The following TNFRSF11A variants were observed in gnomAD, a reference collection of about 807,000 sequenced individuals.
The protein encoded by TNFRSF11A is tumor necrosis factor receptor superfamily member 11A.
TNFRSF11A carries 32 observed loss-of-function variants against 55.7 expected under a neutral mutation model. That is an observed-to-expected ratio of 0.57 (90% CI 0.43 to 0.77). The LOEUF (loss-of-function observed/expected upper bound fraction) is 0.77, where lower values mean the gene tolerates loss of function less well. TNFRSF11A is among the 30% of genes least tolerant of loss of function. The pLI, the probability that TNFRSF11A is intolerant of heterozygous loss-of-function variation, is 0.00. For missense variants in TNFRSF11A, 753 were observed against 809.8 expected, an observed-to-expected ratio of 0.93 and a Z score of 0.85; for synonymous variants, 311 against 331.0, an observed-to-expected ratio of 0.94 and a Z score of 0.65.
In TNFRSF11A at chr18:62,361,708, A is replaced by G; in HGVS notation, c.645A>G (p.Ile215Met). Residue 215 changes from isoleucine (I) to methionine (M), a missense_variant, in exon 7 of 10, where the codon ATA (isoleucine) becomes ATG (methionine). Ile to Met is a conservative substitution (Grantham distance 10). Coordinates refer to ENST00000586569, the MANE Select transcript of TNFRSF11A (RefSeq NM_003839.4). ...CCCATGTTTACTTGCCCGGTTTAAT[A>G]ATTCTGCTTCTCTTCGCGTCTGTGG... Reference protein sequence around the residue: ...NEPHVYLPGLIILLLFASVAL... With the variant: ...NEPHVYLPGLMILLLFASVAL... 1 of 1,614,180 alleles carries G rather than the reference A, an allele frequency of 6.2e-7. No homozygotes were observed. Among genetic ancestry groups the G allele is most frequent in the Non-Finnish European group, 8.5e-7 (1 of 1,180,018 alleles).
intron 1 of TNFRSF11A, among the ~76,000 whole-genome samples, chr18:62,335,733 G>A (rs949265554): frequency 2.0e-5 from 3 of 152,188 alleles, no homozygotes; most frequent in African/African-American, 7.2e-5. Flanking sequence ...GGGTATCTCG[G>A]ATTTTGTCCC....
chr18:62,382,107 C>CTTTTTTTTTTTTT (rs574488222), intron 9 of TNFRSF11A, among the ~76,000 whole-genome samples: 2 of 89,414 alleles, frequency 2.2e-5, no homozygotes, highest in African/African-American at 4.2e-5. Flanking sequence ...TTCCTGAGTC[C>CTTTTTTTTTTTTT]TTTTTTTTTT....
At chr18:62,377,879 A>G (rs1402990808) in intron 9 of TNFRSF11A, among the ~76,000 whole-genome samples, 1 of 152,106 alleles carries the variant, frequency 6.6e-6, no homozygotes. Flanking sequence ...TTTTTAGGCC[A>G]TCTTGGGTAA....
At position 62,388,390 on chromosome 18, in the gene TNFRSF11A, G is replaced by A. The variant is rs1365364343; in HGVS notation, c.*3356G>A. 2 of 152,338 alleles carry A rather than the reference G, an allele frequency of 1.3e-5. No individual in the cohort carries two copies. The highest frequency in any genetic ancestry group is 1.3e-4 in the Admixed American group (2 of 15,292). 9.4% of individuals were successfully genotyped at this position (152,338 alleles called of 1,614,324 possible). On this transcript the variant is annotated 3_prime_UTR_variant, in exon 10 of 10. Coordinates refer to ENST00000586569, the MANE Select transcript of TNFRSF11A (RefSeq NM_003839.4). ...CTTCTGCCACATTCTGTGGGCCAAA[G>A]CAGGTCACAAAGGCAGCCCAGATCC...
rs1456520346 is a variant in TNFRSF11A, at chr18:62,389,332, C to G, written c.*4298C>G. The stretch of plus-strand genomic sequence containing the variant: ...AGCTTTGCCAGAGAAGAGGAGGGAC[C>G]TGACACTGGGCAGTGGCGGTGCCAG... On this transcript the variant is annotated 3_prime_UTR_variant, in exon 10 of 10. Transcript: ENST00000586569. The G allele has an allele frequency of 1.3e-5, 2 of 152,380 alleles. No homozygotes were observed. Among genetic ancestry groups the G allele is most frequent in the African/African-American group, 2.4e-5 (1 of 41,452 alleles). 9.4% of individuals were successfully genotyped at this position (152,380 alleles called of 1,614,324 possible). A position where few individuals can be genotyped will look rare whatever the true frequency, so the allele number is the denominator to read the frequency against.
chr18:62,368,965 A>G lies in TNFRSF11A; in HGVS notation c.1048A>G (p.Met350Val), dbSNP rs147189162. ...ACAGATGCCCACAGAAGATGAATACATGGACAGGCCCTCCCAGCCCACAGA... is the reference window on the plus strand; with the variant it reads ...ACAGATGCCCACAGAAGATGAATACGTGGACAGGCCCTCCCAGCCCACAGA... ...FRQMPTEDEY[M>V]DRPSQPTDQL... Residue 350 changes from methionine (M) to valine (V), a missense_variant, in exon 9 of 10, where the codon ATG (methionine) becomes GTG (valine). Transcript: ENST00000586569. The G allele has an allele frequency of 2.8e-5, 46 of 1,614,128 alleles. No homozygotes were observed. Among genetic ancestry groups the G allele is most frequent in the African/African-American group, 1.5e-4 (11 of 74,944 alleles).
chr18:62,358,959 C>CAT (rs1404111812), intron 5 of TNFRSF11A, among the ~76,000 whole-genome samples: 1 of 152,132 alleles, frequency 6.6e-6, no homozygotes, highest in Admixed American at 6.5e-5. Context: ...TGAAGAATCT[C>CAT]ATATATATAT....
At position 62,354,533 on chromosome 18, in the gene TNFRSF11A, G is replaced by A. The variant is rs139968917; in HGVS notation, c.426G>A (p.Pro142=). The change falls in exon 4 of 10, where the codon CCG becomes CCA. Residue 142 remains proline (P), a splice_region_variant and synonymous_variant. Coordinates refer to ENST00000586569, the MANE Select transcript of TNFRSF11A (RefSeq NM_003839.4). ...ECAPGLGAQH[P]LQLNKDTVCK... ...CGCCGGGCCTGGGCGCCCAGCACCC[G>A]TGTACGGGTTGGATGTGTGCGTCTG... 1.3e-5 allele frequency: 21 copies of A among 1,602,652 alleles called. No homozygotes were observed. The East Asian group carries it at 3.6e-4, about 27-fold the overall frequency.
chr18:62,361,555 C>T, intron 6 of TNFRSF11A, 125 bp from the exon 7 acceptor site: 1 of 907,972 alleles, frequency 1.1e-6, no homozygotes, highest in Non-Finnish European at 1.8e-6. Context: ...AGGGTGGGGA[C>T]TGTCACTTCT....
At position 62,384,746 on chromosome 18, in the gene TNFRSF11A, C is replaced by T. The variant is rs1248258250; in HGVS notation, c.1568-5C>T. The T allele has an allele frequency of 3.7e-6, 6 of 1,611,196 alleles. No homozygotes were observed. Among genetic ancestry groups the T allele is most frequent in the South Asian group, 1.1e-5 (1 of 90,226 alleles). On this transcript the variant is annotated splice_region_variant and splice_polypyrimidine_tract_variant and intron_variant, in intron 9 of 9. Transcript: ENST00000586569. ...TCCCCGTGTTCTCCCTTCCTCTCCC[C>T]GCAGGAAATGTGACTGGAAACAGTA...
chr18:62,325,752 G>C lies in TNFRSF11A; in HGVS notation c.75+325G>C, dbSNP rs1426026726. 2.6e-5 allele frequency among the ~76,000 whole-genome samples: 4 copies of C among 152,324 alleles called. 1 individual carries two copies. Among genetic ancestry groups the C allele is most frequent in the Admixed American group, 2.6e-4 (4 of 15,310 alleles). ...AATGCTTCTTGAGCACCTACTAAGC[G>C]CTTGCGCCGGGCGGTGCCGCGGGAG... On this transcript the variant is annotated intron_variant, in intron 1 of 9. Transcript: ENST00000586569. This position sits in a 1 kb window ranked among gnomAD's most constrained non-coding sequence, Gnocchi z 4.7.
At position 62,386,358 on chromosome 18, in the gene TNFRSF11A, A is replaced by G. The variant is rs141130836; in HGVS notation, c.*1324A>G. On this transcript the variant is annotated 3_prime_UTR_variant, in exon 10 of 10. Transcript: ENST00000586569. ...TCGTGCATCTGTGGGTTAGCCTTGT[A>G]GAAGTGGAAAACATTCCATTTTCCA... The G allele has an allele frequency of 6.6e-6, 1 of 152,348 alleles. No individual in the cohort carries two copies. The highest frequency in any genetic ancestry group is 1.9e-4 in the East Asian group (1 of 5,192). The allele number at this position is 152,348 out of a possible 1,614,324, so 9.4% of individuals were successfully genotyped here.
chr18:62,354,429 AC>A lies in TNFRSF11A; in HGVS notation c.328del (p.Arg110GlyfsTer73). ...LVAVVAGNST[T>X]PRRCACTAGY... is the part of the protein sequence containing the mutation. ...GGCCGTGGTCGCCGGCAACAGCACG[AC>A]CCCCCGGCGCTGCGCGTGCACGGCT... is the stretch of plus-strand genomic sequence containing the variant. On this transcript the variant is annotated frameshift_variant, in exon 4 of 10. Coordinates refer to ENST00000586569, the MANE Select transcript of TNFRSF11A (RefSeq NM_003839.4). LOFTEE classifies it high-confidence loss of function. The A allele has an allele frequency of 2.5e-6, 4 of 1,594,242 alleles. No individual in the cohort carries two copies.
intron 1 of TNFRSF11A, among the ~76,000 whole-genome samples, chr18:62,347,048 A>G (rs1253962769): frequency 2.0e-5 from 3 of 152,060 alleles, no homozygotes; most frequent in Non-Finnish European, 4.4e-5. Context: ...TTTATCCTGG[A>G]AGGCTGATTA....
At chr18:62,340,360 A>C (rs1034871131) in intron 1 of TNFRSF11A, among the ~76,000 whole-genome samples, 1 of 151,968 alleles carries the variant, frequency 6.6e-6, no homozygotes, top group African/African-American at 2.4e-5. Context: ...CTGGGTCCAC[A>C]GGCACACGCT....
At chr18:62,381,872 A>G (rs1408048301) in intron 9 of TNFRSF11A, among the ~76,000 whole-genome samples, 1 of 152,084 alleles carries the variant, frequency 6.6e-6, no homozygotes, top group Non-Finnish European at 1.5e-5. Flanking sequence ...CTATTAACCA[A>G]GTAGTGATTT....
At chr18:62,371,472 T>C (rs956243668) in intron 9 of TNFRSF11A, among the ~76,000 whole-genome samples, 4 of 152,234 alleles carry the variant, frequency 2.6e-5, no homozygotes, top group African/African-American at 9.6e-5. Flanking sequence ...TCATCTTTTA[T>C]TTCTCTAGCA....
At chr18:62,361,917 C>A in intron 7 of TNFRSF11A, 124 bp downstream of exon 7, 1 of 884,100 alleles carries the variant, frequency 1.1e-6, no homozygotes, top group Non-Finnish European at 1.9e-6. Flanking sequence ...TAAAGCAAAA[C>A]ACGTTTTATC....
chr18:62,360,026 T>C lies in TNFRSF11A; in HGVS notation c.593T>C (p.Leu198Pro). The change falls in exon 6 of 10, where the codon CTG becomes CCG. Residue 198 changes from leucine (L) to proline (P), a missense_variant. Physicochemically the swap from Leu to Pro is moderately conservative, Grantham distance 98. Coordinates refer to ENST00000586569, the MANE Select transcript of TNFRSF11A (RefSeq NM_003839.4). ...EKSDAVCSSS[L>P]PARKPPNEPH... is the part of the protein sequence containing the mutation. The stretch of plus-strand genomic sequence containing the variant: ...TCCGATGCGGTTTGCAGTTCTTCTC[T>C]GCCAGCTAGAAAACCACCAAATGGT... 6.2e-7 allele frequency: 1 copy of C among 1,614,032 alleles called. No individual in the cohort carries two copies. The highest frequency in any genetic ancestry group is 1.1e-5 in the South Asian group (1 of 91,080).
Sources: gnomAD v4.1 joint callset for allele counts (sites outside exome capture counted in the v4.1 genomes callset) on GRCh38, gnomAD v4.1.1 for gene constraint, Gnocchi (gnomAD v3.1) non-coding constraint, MANE v1.5 for transcripts, NCBI Gene and HGNC (gene_info 2026-07-23, HGNC 2026-07-21) for gene names.